Variants in PCDHGA2 observed in about 807,000 individuals in gnomAD.
The protein encoded by PCDHGA2 is protocadherin gamma-A2.
A neutral mutation model predicts 59.2 loss-of-function variants in PCDHGA2; 40 were observed. That is an observed-to-expected ratio of 0.68 (90% CI 0.52 to 0.88). The LOEUF (loss-of-function observed/expected upper bound fraction) is 0.88. Ranked by LOEUF, PCDHGA2 falls within the 40% of genes least tolerant of loss-of-function variation. The probability of loss-of-function intolerance (pLI) is 0.00; values close to 1 mark genes in which losing one functional copy is unlikely to be tolerated. For missense variants in PCDHGA2, 1,226 were observed against 1,204.0 expected, an observed-to-expected ratio of 1.02 and a Z score of -0.27; for synonymous variants, 560 against 526.0, an observed-to-expected ratio of 1.06 and a Z score of -0.89.
chr5:141,467,295 C>T (rs2099141170), intron 1 of PCDHGA2, among the ~76,000 whole-genome samples: 1 of 152,114 alleles, frequency 6.6e-6, no homozygotes, highest in South Asian at 2.1e-4. Flanking sequence ...TCAAGTGATC[C>T]ACTCACCTCG....
chr5:141,404,681 C>T, intron 1 of PCDHGA2: 1 of 1,614,092 alleles, frequency 6.2e-7, no homozygotes, highest in Non-Finnish European at 8.5e-7. Context: ...TGGTGTGGAG[C>T]TGGCACCCCG....
rs1036223789 is a variant in PCDHGA2, at chr5:141,511,298, G to C, written c.*125G>C. 49 of 1,502,412 alleles carry C rather than the reference G, an allele frequency of 3.3e-5. No homozygotes were observed. The African/African-American group carries it at 6.7e-4, about 20-fold the overall frequency. 93.1% of individuals were successfully genotyped at this position (1,502,412 alleles called of 1,614,324 possible). A position where few individuals can be genotyped will look rare whatever the true frequency, so the allele number is the denominator to read the frequency against. The stretch of plus-strand genomic sequence containing the variant: ...GAATACTGGTAGGGGCCAAGGCCAT[G>C]CTCCCCTTGGGAAACAGAAACAAGT... On this transcript the variant is annotated 3_prime_UTR_variant, in exon 4 of 4. Coordinates refer to ENST00000394576, the MANE Select transcript of PCDHGA2 (RefSeq NM_018915.4).
At chr5:141,419,642 G>A (rs376762490) in intron 1 of PCDHGA2, 1 of 1,612,412 alleles carries the variant, frequency 6.2e-7, no homozygotes, top group African/African-American at 1.3e-5. Context: ...GGTGGCCGTG[G>A]ACGCGGACTC....
chr5:141,415,062 G>C, intron 1 of PCDHGA2: 1 of 1,613,426 alleles, frequency 6.2e-7, no homozygotes, highest in Non-Finnish European at 8.5e-7. Context: ...ACACGGGCGA[G>C]GTGCGCACGG....
At chr5:141,427,484 T>C (rs766997973) in intron 1 of PCDHGA2, 7 of 539,726 alleles carry the variant, frequency 1.3e-5, no homozygotes, top group Non-Finnish European at 2.5e-5. Context: ...ATAATGACTA[T>C]AAGCTTGTAA....
Position 141,511,066 on chromosome 5 carries a change from C to T in PCDHGA2, c.2692C>T (p.Pro898Ser). Residue 898 changes from proline to serine, a missense_variant, in exon 4 of 4, where the codon CCA (proline) becomes TCA (serine). Physicochemically the swap from Pro to Ser is moderately conservative, Grantham distance 74. Transcript: ENST00000394576. The part of the protein sequence containing the change: ...VPDYRQNVYI[P>S]GSNATLTNAA... ...CGACTACCGCCAGAATGTCTACATC[C>T]CAGGCAGCAATGCCACACTGACCAA... 1.2e-6 allele frequency: 2 copies of T among 1,614,230 alleles called. No individual in the cohort carries two copies. Among genetic ancestry groups the T allele is most frequent in the Non-Finnish European group, 1.7e-6 (2 of 1,180,036 alleles).
At chr5:141,479,561 G>A (rs1032137833) in intron 1 of PCDHGA2, 1 of 152,270 alleles carries the variant, frequency 6.6e-6, no homozygotes, top group African/African-American at 2.4e-5. Context: ...CTATCCAGTA[G>A]TGGGATGACA....
intron 1 of PCDHGA2, chr5:141,405,001 C>A: frequency 1.9e-6 from 3 of 1,614,008 alleles, no homozygotes; most frequent in Non-Finnish European, 2.5e-6. Flanking sequence ...TCCCTGCAGA[C>A]CTGGAGGCCT....
chr5:141,413,599 C>G, intron 1 of PCDHGA2: 2 of 1,613,830 alleles, frequency 1.2e-6, no homozygotes, highest in East Asian at 2.2e-5. Flanking sequence ...AGCAGAAAAT[C>G]TAGACGTAAA....
At chr5:141,395,500 TAAG>T (rs1227202502) in intron 1 of PCDHGA2, 3 of 471,360 alleles carry the variant, frequency 6.4e-6, no homozygotes, top group Non-Finnish European at 1.1e-5. Flanking sequence ...CTCATTCACT[TAAG>T]AAGTAGCTAC....
rs549955923 is a variant in PCDHGA2, at chr5:141,409,897, A to G, written c.2424+68502A>G. 8.7e-6 allele frequency: 14 copies of G among 1,613,204 alleles called. No individual in the cohort carries two copies. The South Asian group carries it at 1.3e-4, about 15-fold the overall frequency. On this transcript the variant is annotated intron_variant, in intron 1 of 3. Coordinates refer to ENST00000394576, the MANE Select transcript of PCDHGA2 (RefSeq NM_018915.4). ...ACAACGCACCGCGGGTGCTGTACCC[A>G]GCTCTGGGTCCTGACGGCTCCGCGT...
At position 141,383,329 on chromosome 5, in the gene PCDHGA2, G is replaced by A. The variant is rs143729030; in HGVS notation, c.2424+41934G>A. 347 of 1,613,980 alleles carry A rather than the reference G, an allele frequency of 2.1e-4. 3 individuals are homozygous for A. The East Asian group carries it at 5.6e-3, about 26-fold the overall frequency. On this transcript the variant is annotated intron_variant, in intron 1 of 3. Transcript: ENST00000394576. ...GGAAGAAATAAATGTAAAAATAATG[G>A]AGAATACAGCTCCTGGGGTTCGGTT...
intron 1 of PCDHGA2, chr5:141,475,997 G>T: frequency 8.4e-7 from 1 of 1,184,406 alleles, no homozygotes; most frequent in Non-Finnish European, 1.2e-6. Flanking sequence ...CAAATCAACG[G>T]CATCCAGAAA....
At chr5:141,409,243 AATC>A in intron 1 of PCDHGA2, 1 of 1,614,032 alleles carries the variant, frequency 6.2e-7, no homozygotes, top group South Asian at 1.1e-5. Context: ...GCCCAGAAAT[AATC>A]ATCACTTCTC....
intron 1 of PCDHGA2, chr5:141,398,585 T>C (rs200356405): frequency 1.9e-6 from 3 of 1,614,080 alleles, no homozygotes; most frequent in Non-Finnish European, 2.5e-6. Flanking sequence ...ACAAGATTTA[T>C]ACTAGAAGTA....
intron 1 of PCDHGA2, chr5:141,389,298 G>C (rs1440320819): frequency 6.2e-7 from 1 of 1,614,030 alleles, no homozygotes; most frequent in Non-Finnish European, 8.5e-7. Context: ...TATTTCACAA[G>C]TCAGGGCTTC....
At chr5:141,496,285 A>G (rs1003747820) in intron 2 of PCDHGA2, among the ~76,000 whole-genome samples, 1 of 152,210 alleles carries the variant, frequency 6.6e-6, no homozygotes, top group Non-Finnish European at 1.5e-5. Flanking sequence ...AGTTGGTCTG[A>G]GCAGAGTGGG....
At chr5:141,356,356 A>T (rs778071643) in intron 1 of PCDHGA2, 2 of 1,556,868 alleles carry the variant, frequency 1.3e-6, no homozygotes, top group South Asian at 1.2e-5. Flanking sequence ...CACATGTTCT[A>T]TTCCAGATAA....
intron 1 of PCDHGA2, chr5:141,389,770 C>T: frequency 4.3e-6 from 7 of 1,613,166 alleles, no homozygotes; most frequent in Admixed American, 1.7e-5. Flanking sequence ...ACAGCGCGTG[C>T]CTTAGGCGAC....
Sources: allele counts gnomAD v4.1 joint callset (sites outside exome capture counted in the v4.1 genomes callset), GRCh38; gene constraint gnomAD v4.1.1; transcripts MANE v1.5; gene names NCBI Gene and HGNC (gene_info 2026-07-23, HGNC 2026-07-21).